PHLDB1: variants seen among roughly 807,000 people sequenced by gnomAD.
PHLDB1 encodes the protein pleckstrin homology-like domain family B member 1.
Under a neutral mutation model 139.3 loss-of-function variants are expected in PHLDB1, and 65 were observed. That is an observed-to-expected ratio of 0.47 (90% CI 0.38 to 0.57). The LOEUF is 0.57. PHLDB1 is among the 20% of genes least tolerant of loss of function. The probability of loss-of-function intolerance (pLI) is 0.00; values close to 1 mark genes in which losing one functional copy is unlikely to be tolerated. For missense variants in PHLDB1, 1,624 were observed against 1,839.7 expected, an observed-to-expected ratio of 0.88 and a Z score of 2.14; for synonymous variants, 679 against 734.5, an observed-to-expected ratio of 0.92 and a Z score of 1.22.
Position 118,639,320 on chromosome 11 carries a change from G to C in PHLDB1, c.2736+69G>C. 5 of 1,114,140 alleles carry C rather than the reference G, an allele frequency of 4.5e-6. No homozygotes were observed. The South Asian group carries it at 6.2e-5, about 14-fold the overall frequency. The allele number at this position is 1,114,140 out of a possible 1,614,324, so 69.0% of individuals were successfully genotyped here. A position where few individuals can be genotyped will look rare whatever the true frequency, so the allele number is the denominator to read the frequency against. On this transcript the variant is annotated intron_variant, in intron 12 of 22. Transcript: ENST00000600882. ...CCTGGGAGGCTCTGAGTAACACATGGCACTTTCACCCCAGTAGCTGAGGTT... is the reference window on the plus strand; with the variant it reads ...CCTGGGAGGCTCTGAGTAACACATGCCACTTTCACCCCAGTAGCTGAGGTT...
chr11:118,617,472 G>A (rs1422573769), intron 4 of PHLDB1, among the ~76,000 whole-genome samples: 3 of 151,732 alleles, frequency 2.0e-5, no homozygotes, highest in South Asian at 2.1e-4. Context: ...CATTTCCCCC[G>A]TCTTTTTTTT....
Position 118,627,654 on chromosome 11 carries a change from A to G in PHLDB1, c.831A>G (p.Pro277=). ...CASHSPSGQE[P]GPSVPPLVPA... Reference sequence around the variant, plus strand: ...GTCACTCACCCAGTGGGCAAGAGCCAGGACCTTCTGTGCCCCCGCTGGTAC... The same window carrying G: ...GTCACTCACCCAGTGGGCAAGAGCCGGGACCTTCTGTGCCCCCGCTGGTAC... The change falls in exon 6 of 23, where the codon CCA becomes CCG. Residue 277 remains proline (P), a synonymous_variant. Transcript: ENST00000600882. The G allele has an allele frequency of 6.2e-7, 1 of 1,612,012 alleles. No individual in the cohort carries two copies. Among genetic ancestry groups the G allele is most frequent in the Non-Finnish European group, 8.5e-7 (1 of 1,180,030 alleles).
At chr11:118,621,036 C>G (rs1007588664) in intron 4 of PHLDB1, among the ~76,000 whole-genome samples, 1 of 152,038 alleles carries the variant, frequency 6.6e-6, no homozygotes, top group South Asian at 2.1e-4. Flanking sequence ...CAGTCAGGGC[C>G]GGCCAGCCCA....
rs1555142145 is a variant in PHLDB1, at chr11:118,656,727, G to C, written c.4038G>C (p.Arg1346=). ...CCTTCTGCGTAAAGACCCATGACCG[G>C]CTGTACTACATGGTGGCCCCATCTG... ...ALTFCVKTHD[R]LYYMVAPSAE... is the part of the protein sequence containing the mutation. Residue 1346 remains arginine (R), a synonymous_variant, in exon 23 of 23, where the codon CGG becomes CGC. Transcript: ENST00000600882. The C allele has an allele frequency of 6.2e-7, 1 of 1,613,958 alleles. No individual in the cohort carries two copies. The highest frequency in any genetic ancestry group is 2.2e-5 in the East Asian group (1 of 44,878).
rs577030549 is a variant in PHLDB1 at position 118,633,189 on chromosome 11, G to A, written c.2379+893G>A. 2.6e-5 allele frequency: 4 copies of A among 152,450 alleles called. No homozygotes were observed. The East Asian group carries it at 7.7e-4, about 29-fold the overall frequency. 9.4% of individuals were successfully genotyped at this position (152,450 alleles called of 1,614,324 possible). On this transcript the variant is annotated intron_variant, in intron 9 of 22. Coordinates refer to ENST00000600882, the MANE Select transcript of PHLDB1 (RefSeq NM_001144758.3). ...ATGCCCGCTTTTGCACTAACTCAGT[G>A]GGTGCCTCTGTGCCCCTGGCCTCTC...
chr11:118,639,134 C>T (rs1946116675), intron 11 of PHLDB1, 28 bp from the exon 12 acceptor site: 1 of 1,609,586 alleles, frequency 6.2e-7, no homozygotes, highest in Non-Finnish European at 8.5e-7. Context: ...TCCCACTCCT[C>T]TTTGACTCTG....
intron 12 of PHLDB1, chr11:118,641,705 C>T (rs1555120765): frequency 7.8e-7 from 1 of 1,289,786 alleles, no homozygotes; most frequent in South Asian, 1.2e-5. Flanking sequence ...GCCTCCGCCT[C>T]CCGGGACCTG....
At chr11:118,613,416 C>T (rs1940896382) in intron 1 of PHLDB1, 10 of 992,628 alleles carry the variant, frequency 1.0e-5, no homozygotes, top group Non-Finnish European at 1.2e-5. Context: ...TACCAGTGTC[C>T]TTGGAGGGGC....
At chr11:118,613,000 T>C (rs1237706932) in intron 1 of PHLDB1, among the ~76,000 whole-genome samples, 1 of 151,784 alleles carries the variant, frequency 6.6e-6, no homozygotes, top group Non-Finnish European at 1.5e-5. Flanking sequence ...GCATGGTGGG[T>C]GAGGGGCAGT....
In PHLDB1 at chr11:118,639,255, T is replaced by C; in HGVS notation, c.2736+4T>C. On this transcript the variant is annotated splice_donor_region_variant and intron_variant, in intron 12 of 22. Transcript: ENST00000600882. ...GACCACATCGACCCTCAAAGAGGTATCATGATTGGATTAGCCCCAGCTTCA... is the reference window on the plus strand; with the variant it reads ...GACCACATCGACCCTCAAAGAGGTACCATGATTGGATTAGCCCCAGCTTCA... 1 of 1,610,774 alleles carries C rather than the reference T, an allele frequency of 6.2e-7. No homozygotes were observed. Among genetic ancestry groups the C allele is most frequent in the Non-Finnish European group, 8.5e-7 (1 of 1,176,954 alleles).
At chr11:118,613,370 GT>G (rs1474198643) in intron 1 of PHLDB1, 124 of 988,394 alleles carry the variant, frequency 1.3e-4, no homozygotes, top group Non-Finnish European at 1.5e-4. Context: ...GGGAGCTCCT[GT>G]TTTAGCCCTG....
intron 12 of PHLDB1, chr11:118,641,444 G>A (rs570836): frequency 0.31 from 76,673 of 243,984 alleles, 12,704 homozygotes; most frequent in Admixed American, 0.44. Context: ...GGAGGGGCAC[G>A]CCTTCTGCTC....
At chr11:118,640,246 A>G (rs1946299829) in intron 12 of PHLDB1, 1 of 152,496 alleles carries the variant, frequency 6.6e-6, no homozygotes, top group Admixed American at 6.5e-5. Context: ...GCCATTCATT[A>G]GTTCTCACAA....
chr11:118,644,490 C>G, intron 15 of PHLDB1: 1 of 454,350 alleles, frequency 2.2e-6, no homozygotes, highest in Non-Finnish European at 4.0e-6. Context: ...TTGATGACTT[C>G]TAGAAATGGT....
chr11:118,652,227 C>A (rs1225289373), intron 20 of PHLDB1: 4 of 152,210 alleles, frequency 2.6e-5, no homozygotes, highest in Admixed American at 1.3e-4. Flanking sequence ...CTTCCCTGAC[C>A]ACCCTGGGTC....
At chr11:118,644,623 T>C in intron 15 of PHLDB1, 1 of 1,282,582 alleles carries the variant, frequency 7.8e-7, no homozygotes, top group Non-Finnish European at 1.0e-6. Flanking sequence ...TACCGTACCC[T>C]CTGCCTGGGG....
At chr11:118,617,498 C>A (rs1004894916) in intron 4 of PHLDB1, among the ~76,000 whole-genome samples, 1 of 151,960 alleles carries the variant, frequency 6.6e-6, no homozygotes. Flanking sequence ...CGGAGTCTCA[C>A]GCTGTTGCCC....
intron 18 of PHLDB1, among the ~76,000 whole-genome samples, chr11:118,648,857 G>A (rs1555132860): frequency 6.6e-6 from 1 of 152,126 alleles, no homozygotes; most frequent in African/African-American, 2.4e-5. Context: ...TGTCCCTTCT[G>A]ATTAGTAGGC....
chr11:118,618,610 G>A (rs1942142475), intron 4 of PHLDB1, among the ~76,000 whole-genome samples: 1 of 151,958 alleles, frequency 6.6e-6, no homozygotes, highest in African/African-American at 2.4e-5. Context: ...CAGGACTGAT[G>A]GTACCAAAAT....
Sources: allele counts gnomAD v4.1 joint callset (sites outside exome capture counted in the v4.1 genomes callset), GRCh38; gene constraint gnomAD v4.1.1; transcripts MANE v1.5; gene names NCBI Gene and HGNC (gene_info 2026-07-23, HGNC 2026-07-21).